MICAL3: variants seen among roughly 807,000 people sequenced by gnomAD.
MICAL3 encodes the protein microtubule associated monooxygenase, calponin and LIM domain containing 3, also known as [F-actin]-monooxygenase MICAL3.
In MICAL3, 62 loss-of-function variants were observed where a neutral mutation model predicts 207.4. That is an observed-to-expected ratio of 0.30 (90% CI 0.24 to 0.37). MICAL3 has a LOEUF of 0.37. Ranked by LOEUF, MICAL3 falls within the 10% of genes least tolerant of loss-of-function variation. The pLI is 1.00. For missense variants in MICAL3, 2,368 were observed against 2,635.6 expected, an observed-to-expected ratio of 0.90 and a Z score of 2.22; for synonymous variants, 1,077 against 1,069.3, an observed-to-expected ratio of 1.01 and a Z score of -0.14.
intron 19 of MICAL3, among the ~76,000 whole-genome samples, chr22:17,854,024 T>C (rs975303756): frequency 6.6e-6 from 1 of 152,236 alleles, no homozygotes; most frequent in African/African-American, 2.4e-5. Flanking sequence ...ATCACTTTTC[T>C]GATTCTCACC....
chr22:17,964,913 G>A lies in MICAL3; in HGVS notation c.-74-58027C>T, dbSNP rs533161950. Among the ~76,000 whole-genome samples, 172 of 152,298 alleles carry A rather than the reference G, an allele frequency of 1.1e-3. 1 individual carries two copies. The highest frequency in any genetic ancestry group is 4.0e-3 in the African/African-American group (167 of 41,552). On this transcript the variant is annotated intron_variant, in intron 1 of 31. Transcript: ENST00000441493. ...CCGCATGGCACTGCTGACCGTAAGC[G>A]CACTGCTAAACTGAAGCGCGGTGGA...
chr22:17,916,528 T>C (rs1472645229), intron 1 of MICAL3, among the ~76,000 whole-genome samples: 1 of 152,218 alleles, frequency 6.6e-6, no homozygotes, highest in East Asian at 1.9e-4. Flanking sequence ...CTCCAACAAG[T>C]AGACCTTGTC....
intron 20 of MICAL3, 66 bp from the exon 21 acceptor site, chr22:17,832,173 G>A: frequency 6.6e-7 from 1 of 1,526,326 alleles, no homozygotes; most frequent in Non-Finnish European, 8.8e-7. Context: ...GGAAGGGGAA[G>A]GGCCACCATC....
Position 17,831,896 on chromosome 22 carries a change from C to T in MICAL3, c.3013G>A (p.Glu1005Lys), listed in dbSNP as rs1247543291. 6.4e-7 allele frequency: 1 copy of T among 1,555,888 alleles called. No individual in the cohort carries two copies. The highest frequency in any genetic ancestry group is 1.7e-4 in the Middle Eastern group (1 of 5,942). ...TCCTCCTCGTCATAGTCCTCCTCCT[C>T]CTCCTCTTCATATTCTTCCTCCTCC... The part of the protein sequence containing the change: ...EEEEEEYEEE[E>K]EEDYDEEEEE... The change falls in exon 21 of 32, where the codon GAG (glutamate) becomes AAG (lysine). Residue 1005 changes from glutamate to lysine, a missense_variant. Transcript: ENST00000441493.
intron 19 of MICAL3, among the ~76,000 whole-genome samples, chr22:17,856,982 A>T (rs1925987287): frequency 6.6e-6 from 1 of 152,216 alleles, no homozygotes; most frequent in Admixed American, 6.5e-5. Flanking sequence ...ATGATAGGAA[A>T]GAAATTTTAT....
At chr22:17,978,517 CTT>C (rs796547093) in intron 1 of MICAL3, among the ~76,000 whole-genome samples, 2,009 of 144,338 alleles carry the variant, frequency 0.014, 35 homozygotes, top group African/African-American at 0.044. Flanking sequence ...GAACTGTACA[CTT>C]TTTTTTTTTT....
rs145093711 is a variant in MICAL3 at position 17,951,400 on chromosome 22, G to A, written c.-74-44514C>T. On this transcript the variant is annotated intron_variant, in intron 1 of 31. Transcript: ENST00000441493. Reference sequence around the variant, plus strand: ...TGTCGGTGAAATTCAGCAATGGAAAGTACTTCACACACTGGCAAGTATCAT... The same window carrying A: ...TGTCGGTGAAATTCAGCAATGGAAAATACTTCACACACTGGCAAGTATCAT... Among the ~76,000 whole-genome samples, 18 of 152,028 alleles carry A rather than the reference G, an allele frequency of 1.2e-4. 1 individual carries two copies. The East Asian group carries it at 3.3e-3, about 28-fold the overall frequency.
chr22:17,876,928 G>GGGAAGTTAT (rs1569109433), intron 16 of MICAL3: 46 of 56,488 alleles, frequency 8.1e-4, no homozygotes, highest in Non-Finnish European at 1.0e-3. Context: ...ATGGAGGTTA[G>GGGAAGTTAT]GGAGGTTAGG....
At chr22:17,790,944 G>C in intron 31 of MICAL3, 28 bp from the exon 32 acceptor site, 1 of 1,613,194 alleles carries the variant, frequency 6.2e-7, no homozygotes, top group Non-Finnish European at 8.5e-7. Context: ...CATGAGGTGA[G>C]GGGCCTGGAG....
intron 27 of MICAL3, chr22:17,814,437 G>A (rs1242484282): frequency 6.6e-6 from 1 of 152,106 alleles, no homozygotes; most frequent in South Asian, 2.1e-4. Context: ...CTACATAAAA[G>A]TACATTAACA....
intron 1 of MICAL3, among the ~76,000 whole-genome samples, chr22:17,911,872 T>TTG (rs1569130103): frequency 7.6e-4 from 116 of 151,674 alleles, no homozygotes; most frequent in African/African-American, 2.6e-3. Flanking sequence ...GAGGAACACT[T>TTG]GATCATATTT....
At position 17,959,422 on chromosome 22, in the gene MICAL3, C is replaced by G. The variant is rs1934793559; in HGVS notation, c.-74-52536G>C. On this transcript the variant is annotated intron_variant, in intron 1 of 31. Transcript: ENST00000441493. ...CTCTGACCCACAGGTTCAAGCGATTCTCCTGCCTCAGCCTCCCGAGTAGCT... is the reference window on the plus strand; with the variant it reads ...CTCTGACCCACAGGTTCAAGCGATTGTCCTGCCTCAGCCTCCCGAGTAGCT... Among the ~76,000 whole-genome samples, 3 of 152,128 alleles carry G rather than the reference C, an allele frequency of 2.0e-5. No individual in the cohort carries two copies. The South Asian group carries it at 6.2e-4, about 32-fold the overall frequency.
chr22:17,889,308 G>C (rs371608669), intron 12 of MICAL3, 78 bp from the exon 13 acceptor site: 1 of 1,074,224 alleles, frequency 9.3e-7, no homozygotes, highest in Non-Finnish European at 1.4e-6. Flanking sequence ...TGGAGTCATC[G>C]TCCTTTCTCT....
chr22:17,989,376 G>A (rs1176453810), intron 1 of MICAL3, among the ~76,000 whole-genome samples: 2 of 152,038 alleles, frequency 1.3e-5, no homozygotes, highest in Admixed American at 6.5e-5. Context: ...ACCACACAGC[G>A]CTGAAATCAA....
At chr22:17,878,553 A>G (rs1055267317) in intron 16 of MICAL3, among the ~76,000 whole-genome samples, 2 of 152,184 alleles carry the variant, frequency 1.3e-5, no homozygotes. Flanking sequence ...CCATAACTGC[A>G]TTTCTCAGAG....
At chr22:17,971,386 A>G (rs1935406354) in intron 1 of MICAL3, among the ~76,000 whole-genome samples, 1 of 151,740 alleles carries the variant, frequency 6.6e-6, no homozygotes, top group Admixed American at 6.6e-5. Context: ...CCTCAGCCTC[A>G]GCAGGAGAAT....
Position 17,821,526 on chromosome 22 carries a change from C to T in MICAL3, c.3449-17G>A, listed in dbSNP as rs1273139004. The T allele has an allele frequency of 2.6e-6, 4 of 1,533,160 alleles. No individual in the cohort carries two copies. Among genetic ancestry groups the T allele is most frequent in the African/African-American group, 2.8e-5 (2 of 71,418 alleles). The allele number at this position is 1,533,160 out of a possible 1,614,324, so 95.0% of individuals were successfully genotyped here. ...GGGAGGGACCTGAAAAGAATGAACACAGGGACTTACAAGAGGAAGCCCCCC... is the reference window on the plus strand; with the variant it reads ...GGGAGGGACCTGAAAAGAATGAACATAGGGACTTACAAGAGGAAGCCCCCC... On this transcript the variant is annotated splice_polypyrimidine_tract_variant and intron_variant, in intron 24 of 31. Coordinates refer to ENST00000441493, the MANE Select transcript of MICAL3 (RefSeq NM_015241.3).
In MICAL3 at chr22:17,796,145, A is replaced by G. The variant is rs1031605026; in HGVS notation, c.5651-4844T>C. ...ACCCCTCCTGAGCTCCCGAGCAGTG[A>G]GCGGGTCCTGGTCAGAGGACCCCTC... On this transcript the variant is annotated intron_variant, in intron 29 of 31. Coordinates refer to ENST00000441493, the MANE Select transcript of MICAL3 (RefSeq NM_015241.3). The surrounding 1 kb of genome is among the most constrained non-coding windows in gnomAD (Gnocchi z 4.4). Among the ~76,000 whole-genome samples, 1 of 152,180 alleles carries G rather than the reference A, an allele frequency of 6.6e-6. No individual in the cohort carries two copies. Among genetic ancestry groups the G allele is most frequent in the Admixed American group, 6.5e-5 (1 of 15,286 alleles).
At chr22:17,876,900 AGGGAGGTTAGGGAG>A (rs1928549195) in intron 16 of MICAL3, 1 of 137,156 alleles carries the variant, frequency 7.3e-6, no homozygotes, top group Non-Finnish European at 1.5e-5. Flanking sequence ...TATGGAGGTT[AGGGAGGTTAGGGAG>A]GTTATGGAGG....
Sources: allele counts gnomAD v4.1 joint callset (sites outside exome capture counted in the v4.1 genomes callset), GRCh38; gene constraint gnomAD v4.1.1; non-coding constraint Gnocchi (gnomAD v3.1); transcripts MANE v1.5; gene names NCBI Gene and HGNC (gene_info 2026-07-23, HGNC 2026-07-21).